Variants in TRIP10 observed in about 807,000 individuals in gnomAD.
TRIP10 encodes thyroid hormone receptor interactor 10.
Under a neutral mutation model 80.9 loss-of-function variants are expected in TRIP10, and 54 were observed. The ratio of observed to expected loss-of-function variants is 0.67; its 90% CI spans 0.54 to 0.84. The LOEUF is 0.84. Among genes scored for constraint, TRIP10 ranks in the 40% least tolerant of loss-of-function variants. The pLI is 0.00. For synonymous variants in TRIP10, 321 were observed against 307.2 expected, an observed-to-expected ratio of 1.04 and a Z score of -0.47; for missense variants, 773 against 815.3, an observed-to-expected ratio of 0.95 and a Z score of 0.63.
rs192595827 is a variant in TRIP10 at position 6,743,808 on chromosome 19, A to G, written c.614A>G (p.Tyr205Cys). Residue 205 changes from tyrosine to cysteine, a missense_variant, in exon 7 of 15, where the codon TAT becomes TGT. By Grantham distance (194) the Tyr-to-Cys change is radical. Coordinates refer to ENST00000313244, the MANE Select transcript of TRIP10 (RefSeq NM_001288962.2). ...QRFNRDQAHFYFSQMPQIFDK... is the reference protein window; with the variant it reads ...QRFNRDQAHFCFSQMPQIFDK... ...TTCAACCGAGACCAAGCCCACTTCTATTTTTCACAGATGCCCCAGATATTC... is the reference window on the plus strand; with the variant it reads ...TTCAACCGAGACCAAGCCCACTTCTGTTTTTCACAGATGCCCCAGATATTC... The G allele has an allele frequency of 3.7e-5, 59 of 1,613,856 alleles. No individual in the cohort carries two copies. The highest frequency in any genetic ancestry group is 2.0e-4 in the East Asian group (9 of 44,876).
Position 6,746,802 on chromosome 19 carries a change from A to C in TRIP10, c.1262+241A>C, listed in dbSNP as rs945743885. Among the ~76,000 whole-genome samples the C allele has an allele frequency of 6.6e-6, 1 of 152,044 alleles. No homozygotes were observed. The highest frequency in any genetic ancestry group is 1.5e-5 in the Non-Finnish European group (1 of 67,998). ...CGATTAGCTAGGACCACAGGCATGC[A>C]CCAGCTAATTTTTATATTTTTAGTA... On this transcript the variant is annotated intron_variant, in intron 11 of 14. Coordinates refer to ENST00000313244, the MANE Select transcript of TRIP10 (RefSeq NM_001288962.2). This position sits in a 1 kb window ranked among gnomAD's most constrained non-coding sequence, Gnocchi z 6.2.
At position 6,742,366 on chromosome 19, in the gene TRIP10, G is replaced by A. The variant is rs1357968363; in HGVS notation, c.198-601G>A. Among the ~76,000 whole-genome samples, 5 of 151,942 alleles carry A rather than the reference G, an allele frequency of 3.3e-5. No individual in the cohort carries two copies. The East Asian group carries it at 9.7e-4, about 30-fold the overall frequency. On this transcript the variant is annotated intron_variant, in intron 3 of 14. Transcript: ENST00000313244. ...GATCGCACCACTGCACTCCAGCCTG[G>A]GCGACAGAGTGAGACTCTGTCTCCA...
At position 6,741,056 on chromosome 19, in the gene TRIP10, T is replaced by C; in HGVS notation, c.71T>C (p.Leu24Pro). The C allele has an allele frequency of 6.2e-7, 1 of 1,613,994 alleles. No individual in the cohort carries two copies. The highest frequency in any genetic ancestry group is 8.5e-7 in the Non-Finnish European group (1 of 1,179,886). The change falls in exon 2 of 15, where the codon CTG becomes CCG. Residue 24 changes from leucine to proline, a missense_variant. Coordinates refer to ENST00000313244, the MANE Select transcript of TRIP10 (RefSeq NM_001288962.2). ...LERHTQWGLD[L>P]LDRYVKFVKE... ...CGCCACACGCAGTGGGGGCTGGACC[T>C]GTTGGACAGATATGTAAAGTTCGTG... is the stretch of plus-strand genomic sequence containing the variant.
rs572901057 is a variant in TRIP10, at chr19:6,743,782, C to T, written c.588C>T (p.Arg196=). ...ACGAATATGCGGCTCAACTGCAGCG[C>T]TTCAACCGAGACCAAGCCCACTTCT... ...SKNEYAAQLQ[R]FNRDQAHFYF... Residue 196 remains arginine (R), a synonymous_variant, in exon 7 of 15, where the codon CGC becomes CGT. Transcript: ENST00000313244. 58 of 1,614,060 alleles carry T rather than the reference C, an allele frequency of 3.6e-5. No individual in the cohort carries two copies. Among genetic ancestry groups the T allele is most frequent in the Non-Finnish European group, 4.6e-5 (54 of 1,180,028 alleles).
At position 6,744,816 on chromosome 19, in the gene TRIP10, T is replaced by C. The variant is rs775226645; in HGVS notation, c.806T>C (p.Ile269Thr). Residue 269 changes from isoleucine (I) to threonine (T), a missense_variant, in exon 9 of 15, where the codon ATA becomes ACA. Ile to Thr is a moderately conservative substitution (Grantham distance 89). Coordinates refer to ENST00000313244, the MANE Select transcript of TRIP10 (RefSeq NM_001288962.2). The surrounding 1 kb of genome is among the most constrained non-coding windows in gnomAD (Gnocchi z 4.9). Reference protein sequence around the residue: ...VDPKNDSHVLIELHKSGFARP... With the variant: ...VDPKNDSHVLTELHKSGFARP... ...CTCCCCCAGGACTCCCACGTCCTTA[T>C]AGAGCTGCACAAGTCAGGTTTTGCC... The C allele has an allele frequency of 3.1e-6, 5 of 1,613,792 alleles. No individual in the cohort carries two copies. Among genetic ancestry groups the C allele is most frequent in the South Asian group, 2.2e-5 (2 of 91,056 alleles).
At chr19:6,743,277 G>GT (rs1442877976) in intron 5 of TRIP10, 21 bp downstream of exon 5, 1 of 1,612,510 alleles carries the variant, frequency 6.2e-7, no homozygotes, top group African/African-American at 1.3e-5. Flanking sequence ...AGAGGTAGCA[G>GT]TGACTGTGGC....
chr19:6,743,615 C>CGGGGGGGGGGG lies in TRIP10; in HGVS notation c.513+27_513+28insGGGGGGGGGGG. The CGGGGGGGGGGG allele has an allele frequency of 1.0e-5, 8 of 770,168 alleles. No homozygotes were observed. Among genetic ancestry groups the CGGGGGGGGGGG allele is most frequent in the South Asian group, 2.0e-5 (1 of 50,314 alleles). The allele number at this position is 770,168 out of a possible 1,614,324, so 47.7% of individuals were successfully genotyped here. A position where few individuals can be genotyped will look rare whatever the true frequency, so the allele number is the denominator to read the frequency against. On this transcript the variant is annotated intron_variant, in intron 6 of 14. Coordinates refer to ENST00000313244, the MANE Select transcript of TRIP10 (RefSeq NM_001288962.2). Reference sequence around the variant, plus strand: ...GTGGAGAAGGTGTGTGTGGCGGGGGCGGGGGGGGGGTGCGGGGTCTGGGAC... The same window carrying CGGGGGGGGGGG: ...GTGGAGAAGGTGTGTGTGGCGGGGGCGGGGGGGGGGGGGGGGGGGGGTGCGGGGTCTGGGAC...
intron 6 of TRIP10, 22 bp downstream of exon 6, chr19:6,743,620 G>T (rs201678201): frequency 9.5e-6 from 13 of 1,370,954 alleles, no homozygotes; most frequent in South Asian, 3.5e-5. Context: ...GGGGGCGGGG[G>T]GGGGGTGCGG....
chr19:6,749,650 T>C (rs1969224929), intron 11 of TRIP10, among the ~76,000 whole-genome samples: 1 of 152,098 alleles, frequency 6.6e-6, no homozygotes, highest in Non-Finnish European at 1.5e-5. Context: ...TCCCTTGAAC[T>C]CAGCCTGGGC....
chr19:6,745,146 C>CCGGCA lies in TRIP10; in HGVS notation c.984+152_984+153insCGGCA. 2 of 1,122,194 alleles carry CCGGCA rather than the reference C, an allele frequency of 1.8e-6. No individual in the cohort carries two copies. Among genetic ancestry groups the CCGGCA allele is most frequent in the Non-Finnish European group, 2.4e-6 (2 of 818,878 alleles). The allele number at this position is 1,122,194 out of a possible 1,614,324, so 69.5% of individuals were successfully genotyped here. Reference sequence around the variant, plus strand: ...CAGCCCGGACTGGAGGGAAGGAAGGCGGCCGATTGGCCTGGGAGTCCCCCG... The same window carrying CCGGCA: ...CAGCCCGGACTGGAGGGAAGGAAGGCCGGCAGGCCGATTGGCCTGGGAGTCCCCCG... On this transcript the variant is annotated intron_variant, in intron 9 of 14. Transcript: ENST00000313244. The surrounding 1 kb of genome is among the most constrained non-coding windows in gnomAD (Gnocchi z 7.2).
Position 6,745,974 on chromosome 19 carries a change from C to T in TRIP10, c.985-55C>T. 9 of 1,131,590 alleles carry T rather than the reference C, an allele frequency of 8.0e-6. No individual in the cohort carries two copies. The highest frequency in any genetic ancestry group is 1.0e-5 in the Non-Finnish European group (9 of 875,178). The allele number at this position is 1,131,590 out of a possible 1,614,324, so 70.1% of individuals were successfully genotyped here. On this transcript the variant is annotated intron_variant, in intron 9 of 14. Coordinates refer to ENST00000313244, the MANE Select transcript of TRIP10 (RefSeq NM_001288962.2). This position sits in a 1 kb window ranked among gnomAD's most constrained non-coding sequence, Gnocchi z 7.2. ...TCCATTCGTCCTCACTCTCTACATC[C>T]TCCTATGCCCCCCCACCCCTTCAAC... is the stretch of plus-strand genomic sequence containing the variant.
At chr19:6,748,801 A>G (rs1313893995) in intron 11 of TRIP10, 1 of 152,170 alleles carries the variant, frequency 6.6e-6, no homozygotes, top group African/African-American at 2.4e-5. Flanking sequence ...TCAAAAAAAG[A>G]TAAAAAATAA....
rs370411799 is a variant in TRIP10, at chr19:6,746,418, T to C, written c.1153-34T>C. The stretch of plus-strand genomic sequence containing the variant: ...GCAGAGTCTGGCAGGCTAGACTCCT[T>C]GATCCCAAATTCAGCCCTCTACCCA... On this transcript the variant is annotated intron_variant, in intron 10 of 14. Transcript: ENST00000313244. The surrounding 1 kb of genome is among the most constrained non-coding windows in gnomAD (Gnocchi z 6.2). 2 of 1,611,022 alleles carry C rather than the reference T, an allele frequency of 1.2e-6. No homozygotes were observed. The highest frequency in any genetic ancestry group is 1.7e-6 in the Non-Finnish European group (2 of 1,177,396).
Position 6,746,043 on chromosome 19 carries a change from C to G in TRIP10, c.999C>G (p.Pro333=), listed in dbSNP as rs112442535. The change falls in exon 10 of 15, where the codon CCC becomes CCG. Residue 333 remains proline (P), a synonymous_variant. Coordinates refer to ENST00000313244, the MANE Select transcript of TRIP10 (RefSeq NM_001288962.2). This position sits in a 1 kb window ranked among gnomAD's most constrained non-coding sequence, Gnocchi z 6.2. ...FGKKNKPRPP[P]LSPLGGPVPS... ...CCCGCCGGTAGCCTCGCCCCCCACC[C>G]CTCTCCCCCCTGGGGGGCCCCGTAC... The G allele has an allele frequency of 1.6e-6, 2 of 1,282,262 alleles. No homozygotes were observed. The highest frequency in any genetic ancestry group is 2.1e-6 in the Non-Finnish European group (2 of 963,992). The allele number at this position is 1,282,262 out of a possible 1,614,324, so 79.4% of individuals were successfully genotyped here.
Position 6,749,951 on chromosome 19 carries a change from T to C in TRIP10, c.1280T>C (p.Met427Thr). Residue 427 changes from methionine to threonine, a missense_variant, in exon 12 of 15, where the codon ATG (methionine) becomes ACG (threonine). Physicochemically the swap from Met to Thr is moderately conservative, Grantham distance 81. Transcript: ENST00000313244. Reference sequence around the variant, plus strand: ...TGTCATAGGGAAGCCCTAAAGAAAATGAAGGATGTCTATGAGAAGACACCT... The same window carrying C: ...TGTCATAGGGAAGCCCTAAAGAAAACGAAGGATGTCTATGAGAAGACACCT... ...EVDQREALKK[M>T]KDVYEKTPQM... The C allele has an allele frequency of 1.2e-6, 2 of 1,613,916 alleles. No individual in the cohort carries two copies. The highest frequency in any genetic ancestry group is 1.7e-6 in the Non-Finnish European group (2 of 1,179,928).
intron 11 of TRIP10, chr19:6,748,929 ATT>A (rs1010857083): frequency 1.3e-5 from 2 of 151,884 alleles, no homozygotes; most frequent in African/African-American, 4.9e-5. Context: ...TGATAACAGT[ATT>A]TATTAGTCAC....
In TRIP10 at chr19:6,750,768, G is replaced by A. The variant is rs981173230; in HGVS notation, c.1657+135G>A. On this transcript the variant is annotated intron_variant, in intron 14 of 14. Coordinates refer to ENST00000313244, the MANE Select transcript of TRIP10 (RefSeq NM_001288962.2). Reference sequence around the variant, plus strand: ...CCCAGCACTTTGGGAAGCTGAGGCAGGCAGATCACTTGAGGTCAAGAATTC... The same window carrying A: ...CCCAGCACTTTGGGAAGCTGAGGCAAGCAGATCACTTGAGGTCAAGAATTC... 150 of 1,354,650 alleles carry A rather than the reference G, an allele frequency of 1.1e-4. No individual in the cohort carries two copies. The highest frequency in any genetic ancestry group is 9.2e-5 in the Non-Finnish European group (92 of 1,000,984). The allele number at this position is 1,354,650 out of a possible 1,614,324, so 83.9% of individuals were successfully genotyped here.
chr19:6,751,018 AT>A (rs145723501), intron 14 of TRIP10, 44 bp from the exon 15 acceptor site: 273,206 of 1,469,448 alleles, frequency 0.19, 26,512 homozygotes, highest in African/African-American at 0.28. Context: ...AAAATAATAA[AT>A]TTTGCCTAAA....
chr19:6,750,331 C>T lies in TRIP10; in HGVS notation c.1435C>T (p.Arg479Trp), dbSNP rs779705630. ...AEAESRVLSN[R>W]GDSLSRHARP... ...AGCTGAAAGTCGAGTCCTTAGCAAC[C>T]GGGGAGACAGCCTGAGCCGGCACGC... Residue 479 changes from arginine to tryptophan, a missense_variant, in exon 13 of 15, where the codon CGG (arginine) becomes TGG (tryptophan). Arg to Trp is a moderately radical substitution (Grantham distance 101). Coordinates refer to ENST00000313244, the MANE Select transcript of TRIP10 (RefSeq NM_001288962.2). 28 of 1,613,934 alleles carry T rather than the reference C, an allele frequency of 1.7e-5. No homozygotes were observed. In the Middle Eastern group the frequency reaches 4.9e-4, roughly 28 times the overall value.
Sources: gnomAD v4.1 joint callset for allele counts (sites outside exome capture counted in the v4.1 genomes callset) on GRCh38, gnomAD v4.1.1 for gene constraint, Gnocchi (gnomAD v3.1) non-coding constraint, MANE v1.5 for transcripts, NCBI Gene and HGNC (gene_info 2026-07-23, HGNC 2026-07-21) for gene names.